Variants in FXN observed in about 807,000 individuals in gnomAD.
FXN encodes frataxin, mitochondrial.
A neutral mutation model predicts 22.4 loss-of-function variants in FXN; 14 were observed. The observed-to-expected ratio is 0.62, with a 90% confidence interval of 0.41 to 0.98. The LOEUF (loss-of-function observed/expected upper bound fraction) is 0.98. Ranked by LOEUF, FXN falls within the 50% of genes least tolerant of loss-of-function variation. FXN has a pLI of 0.00. For synonymous variants in FXN, 120 were observed against 114.1 expected (o/e 1.05, Z -0.33); for missense variants, 267 against 268.4 (o/e 0.99, Z 0.04).
At position 69,073,304 on chromosome 9, in the gene FXN, A is replaced by C; in HGVS notation, c.*542A>C. On this transcript the variant is annotated 3_prime_UTR_variant, in exon 5 of 5. Coordinates refer to ENST00000484259, the MANE Select transcript of FXN (RefSeq NM_000144.5). ...CGAAAGCAACTCACACGGGAAGATC[A>C]TTTCTTATTTGTGCTCTGTGACTGC... 1 of 998,516 alleles carries C rather than the reference A, an allele frequency of 1.0e-6. No homozygotes were observed. Among genetic ancestry groups the C allele is most frequent in the Non-Finnish European group, 1.2e-6 (1 of 837,346 alleles). The allele number at this position is 998,516 out of a possible 1,614,324, so 61.9% of individuals were successfully genotyped here.
intron 2 of FXN, among the ~76,000 whole-genome samples, chr9:69,047,748 C>T (rs1395378702): frequency 6.6e-6 from 1 of 152,054 alleles, no homozygotes; most frequent in Non-Finnish European, 1.5e-5. Context: ...TATGAAATCA[C>T]ACCCTGAGAC....
intron 4 of FXN, among the ~76,000 whole-genome samples, chr9:69,069,012 C>T (rs1832223423): frequency 6.6e-6 from 1 of 152,244 alleles, no homozygotes; most frequent in Admixed American, 6.5e-5. Context: ...CACTGACCAT[C>T]AGCAAACCGC....
At chr9:69,056,208 A>G (rs969552939) in intron 3 of FXN, among the ~76,000 whole-genome samples, 1 of 152,206 alleles carries the variant, frequency 6.6e-6, no homozygotes, top group African/African-American at 2.4e-5. Context: ...AAGGAGGACT[A>G]TTTCTAAAGA....
chr9:69,050,133 GT>G (rs1831824138), intron 2 of FXN, among the ~76,000 whole-genome samples: 1 of 152,110 alleles, frequency 6.6e-6, no homozygotes, highest in African/African-American at 2.4e-5. Flanking sequence ...TATATAAACT[GT>G]CTCATTAAGT....
intron 4 of FXN, among the ~76,000 whole-genome samples, chr9:69,070,603 C>T (rs1201364148): frequency 6.6e-6 from 1 of 152,200 alleles, no homozygotes; most frequent in Non-Finnish European, 1.5e-5. Flanking sequence ...TTTGACTGAT[C>T]TCTTGTTAAT....
chr9:69,040,518 A>C (rs1236520514), intron 1 of FXN, among the ~76,000 whole-genome samples: 1 of 151,958 alleles, frequency 6.6e-6, no homozygotes, highest in Non-Finnish European at 1.5e-5. Flanking sequence ...AATACAAAAA[A>C]TTAGCCGGGC....
In FXN at chr9:69,078,834, C is replaced by A; in HGVS notation, c.*6072C>A. ...CTCCACTCAGCCTCTGCCTGGATGCCCTTGATTGTTCCATGTCCTCAGCAT... is the reference window on the plus strand; with the variant it reads ...CTCCACTCAGCCTCTGCCTGGATGCACTTGATTGTTCCATGTCCTCAGCAT... On this transcript the variant is annotated 3_prime_UTR_variant, in exon 5 of 5. Coordinates refer to ENST00000484259, the MANE Select transcript of FXN (RefSeq NM_000144.5). The A allele has an allele frequency of 1.0e-6, 1 of 985,772 alleles. No individual in the cohort carries two copies. Among genetic ancestry groups the A allele is most frequent in the Non-Finnish European group, 1.2e-6 (1 of 830,234 alleles). 61.1% of individuals were successfully genotyped at this position (985,772 alleles called of 1,614,324 possible). A position where few individuals can be genotyped will look rare whatever the true frequency, so the allele number is the denominator to read the frequency against.
At chr9:69,055,839 ATATATT>A (rs1831948825) in intron 3 of FXN, among the ~76,000 whole-genome samples, 1 of 150,892 alleles carries the variant, frequency 6.6e-6, no homozygotes, top group Non-Finnish European at 1.5e-5. Context: ...AAAGTCACAA[ATATATT>A]TATATTTAAT....
chr9:69,053,288 G>A (rs1301663494), intron 3 of FXN, 28 bp downstream of exon 3: 2 of 1,610,732 alleles, frequency 1.2e-6, no homozygotes, highest in South Asian at 2.2e-5. Context: ...TTATTTTTCT[G>A]TTTCCCCCTC....
chr9:69,056,310 T>C (rs1831957957), intron 3 of FXN, among the ~76,000 whole-genome samples: 1 of 152,242 alleles, frequency 6.6e-6, no homozygotes, highest in South Asian at 2.1e-4. Context: ...CATGAATTTA[T>C]GCTGAGAGGC....
chr9:69,065,593 T>C (rs2133127925), intron 4 of FXN, among the ~76,000 whole-genome samples: 1 of 151,746 alleles, frequency 6.6e-6, no homozygotes, highest in East Asian at 1.9e-4. Flanking sequence ...AAGTGAGCCT[T>C]TCCTGATATT....
At chr9:69,061,311 G>A (rs1434177526) in intron 3 of FXN, among the ~76,000 whole-genome samples, 4 of 152,148 alleles carry the variant, frequency 2.6e-5, no homozygotes, top group African/African-American at 9.7e-5. Flanking sequence ...CTTGCCCTGA[G>A]TCCTCGAAGG....
At chr9:69,071,292 A>G in intron 4 of FXN, 1 of 518,964 alleles carries the variant, frequency 1.9e-6, no homozygotes, top group Non-Finnish European at 3.8e-6. Context: ...CCATACTGGG[A>G]ACAGGTTCAA....
intron 3 of FXN, among the ~76,000 whole-genome samples, chr9:69,063,316 A>T (rs1249402618): frequency 6.6e-6 from 1 of 152,238 alleles, no homozygotes; most frequent in Non-Finnish European, 1.5e-5. Context: ...GGACCCACAG[A>T]GACCTGGATT....
At chr9:69,053,296 C>T in intron 3 of FXN, 36 bp downstream of exon 3, 1 of 1,608,622 alleles carries the variant, frequency 6.2e-7, no homozygotes, top group Non-Finnish European at 8.5e-7. Context: ...CTGTTTCCCC[C>T]TCTAAGAATT....
At chr9:69,067,774 T>TC (rs1420797638) in intron 4 of FXN, among the ~76,000 whole-genome samples, 1 of 152,146 alleles carries the variant, frequency 6.6e-6, no homozygotes, top group Non-Finnish European at 1.5e-5. Context: ...GGGAAAATGC[T>TC]CCATTCACCA....
chr9:69,054,159 C>T (rs113676688), intron 3 of FXN, among the ~76,000 whole-genome samples: 4,843 of 152,198 alleles, frequency 0.032, 109 homozygotes, highest in Middle Eastern at 0.055. Context: ...TGCCACCATG[C>T]CCAGCTAATT....
In FXN at chr9:69,076,577, A is replaced by T. The variant is rs981703918; in HGVS notation, c.*3815A>T. The T allele has an allele frequency of 3.0e-6, 3 of 985,326 alleles. No homozygotes were observed. In the Admixed American group the frequency reaches 1.8e-4, roughly 61 times the overall value. 61.0% of individuals were successfully genotyped at this position (985,326 alleles called of 1,614,324 possible). A position where few individuals can be genotyped will look rare whatever the true frequency, so the allele number is the denominator to read the frequency against. ...AGTTTGCATTAAATTATAGGTTTAC[A>T]ATATGCTTTATCCAGCTATACCTGC... On this transcript the variant is annotated 3_prime_UTR_variant, in exon 5 of 5. Transcript: ENST00000484259.
chr9:69,073,675 A>G lies in FXN; in HGVS notation c.*913A>G, dbSNP rs1832314565. The G allele has an allele frequency of 1.0e-6, 1 of 985,216 alleles. No individual in the cohort carries two copies. The highest frequency in any genetic ancestry group is 1.2e-6 in the Non-Finnish European group (1 of 829,916). The allele number at this position is 985,216 out of a possible 1,614,324, so 61.0% of individuals were successfully genotyped here. On this transcript the variant is annotated 3_prime_UTR_variant, in exon 5 of 5. Transcript: ENST00000484259. ...TGTCCCTTTGTGGACAAGTTTCCCA[A>G]ATTCCCTGGACCTCTGCTTCCCCAT...
Sources: gnomAD v4.1 joint callset for allele counts (sites outside exome capture counted in the v4.1 genomes callset) on GRCh38, gnomAD v4.1.1 for gene constraint, MANE v1.5 for transcripts, NCBI Gene and HGNC (gene_info 2026-07-23, HGNC 2026-07-21) for gene names.